The following MYO1E variants were observed in gnomAD, a reference collection of about 807,000 sequenced individuals.
The protein encoded by MYO1E is myosin IE, also known as unconventional myosin-Ie.
Under a neutral mutation model 151.1 loss-of-function variants are expected in MYO1E, and 68 were observed. The observed-to-expected ratio is 0.45, with a 90% CI of 0.37 to 0.55. The LOEUF is 0.55. Ranked by LOEUF, MYO1E falls within the 20% of genes least tolerant of loss-of-function variation. MYO1E has a pLI of 0.00. For synonymous variants in MYO1E, 601 were observed against 501.7 expected, an observed-to-expected ratio of 1.20 and a Z score of -2.64; for missense variants, 1,363 against 1,389.3, an observed-to-expected ratio of 0.98 and a Z score of 0.30.
At chr15:59,312,076 T>C (rs1400466357) in intron 1 of MYO1E, among the ~76,000 whole-genome samples, 2 of 152,204 alleles carry the variant, frequency 1.3e-5, no homozygotes, top group Non-Finnish European at 2.9e-5. Flanking sequence ...CACTCAGCAA[T>C]ATATTTTCTC....
chr15:59,335,076 C>G (rs1477038169), intron 1 of MYO1E, among the ~76,000 whole-genome samples: 1 of 152,194 alleles, frequency 6.6e-6, no homozygotes, highest in Non-Finnish European at 1.5e-5. Flanking sequence ...AGAGAACATT[C>G]ACACCACACT....
At chr15:59,344,224 C>G (rs369800104) in intron 1 of MYO1E, among the ~76,000 whole-genome samples, 1 of 152,228 alleles carries the variant, frequency 6.6e-6, no homozygotes, top group Non-Finnish European at 1.5e-5. Flanking sequence ...GCCGTATCTG[C>G]ATTATGGGGT....
chr15:59,164,671 C>T (rs1474249387), intron 22 of MYO1E, among the ~76,000 whole-genome samples: 1 of 152,208 alleles, frequency 6.6e-6, no homozygotes, highest in Non-Finnish European at 1.5e-5. Flanking sequence ...TGTTCAGCCC[C>T]ATTCACAGGT....
chr15:59,232,481 G>A (rs1472637316), intron 5 of MYO1E, among the ~76,000 whole-genome samples: 1 of 152,198 alleles, frequency 6.6e-6, no homozygotes, highest in Non-Finnish European at 1.5e-5. Context: ...GGCCTGGGGG[G>A]AAGGATTTGT....
intron 4 of MYO1E, among the ~76,000 whole-genome samples, chr15:59,249,115 A>ATTTATTTC (rs1452944755): frequency 6.6e-6 from 1 of 151,970 alleles, no homozygotes; most frequent in Non-Finnish European, 1.5e-5. Context: ...TCCTTCCTTG[A>ATTTATTTC]TTTATTTCTT....
chr15:59,245,753 C>T lies in MYO1E; in HGVS notation c.333-9081G>A, dbSNP rs142608089. ...ACTTTTGATGGCAGCAATAAAACTG[C>T]CACATAAATGTTCTCCAAGGCCCGA... On this transcript the variant is annotated intron_variant, in intron 4 of 27. Coordinates refer to ENST00000288235, the MANE Select transcript of MYO1E (RefSeq NM_004998.4). Among the ~76,000 whole-genome samples the T allele has an allele frequency of 3.7e-3, 568 of 152,328 alleles. 5 individuals carry two copies. The highest frequency in any genetic ancestry group is 0.013 in the African/African-American group (529 of 41,574).
chr15:59,160,383 G>A (rs2079531552), intron 24 of MYO1E, among the ~76,000 whole-genome samples: 1 of 142,398 alleles, frequency 7.0e-6, no homozygotes, highest in African/African-American at 2.6e-5. Flanking sequence ...GTGTGTGTAT[G>A]GTGTTTTATT....
intron 19 of MYO1E, among the ~76,000 whole-genome samples, chr15:59,178,063 A>G (rs1447131725): frequency 2.6e-5 from 4 of 152,238 alleles, no homozygotes; most frequent in Admixed American, 2.0e-4. Flanking sequence ...TGGGTATATA[A>G]ACACATATGG....
intron 1 of MYO1E, among the ~76,000 whole-genome samples, chr15:59,293,216 CCAGTT>C (rs1473605662): frequency 6.6e-6 from 1 of 152,160 alleles, no homozygotes; most frequent in African/African-American, 2.4e-5. Context: ...AAACCCCCTC[CCAGTT>C]AAGTTTATTG....
chr15:59,153,522 C>G (rs1314937362), intron 26 of MYO1E, 68 bp downstream of exon 26: 8 of 1,547,062 alleles, frequency 5.2e-6, no homozygotes, highest in Non-Finnish European at 7.1e-6. Context: ...ACAGGAATCT[C>G]TGAACCCTTG....
At chr15:59,352,474 C>T (rs1364170269) in intron 1 of MYO1E, among the ~76,000 whole-genome samples, 1 of 152,088 alleles carries the variant, frequency 6.6e-6, no homozygotes, top group African/African-American at 2.4e-5. Context: ...GCTATTAGTC[C>T]GTGGACCCAC....
In MYO1E at chr15:59,319,568, T is replaced by C. The variant is rs1248949680; in HGVS notation, c.4-47119A>G. Among the ~76,000 whole-genome samples the C allele has an allele frequency of 2.4e-5, 2 of 82,642 alleles. 1 individual carries two copies. The highest frequency in any genetic ancestry group is 4.2e-5 in the Non-Finnish European group (2 of 47,522). The allele number at this position is 82,642 out of a possible 152,430, so 54.2% of individuals were successfully genotyped here. A position where few individuals can be genotyped will look rare whatever the true frequency, so the allele number is the denominator to read the frequency against. ...AAACTACCTTTTTTTTTTTTTTTTT[T>C]TTTTTTTTTTTTTGGCTGATGTTAT... is the stretch of plus-strand genomic sequence containing the variant. On this transcript the variant is annotated intron_variant, in intron 1 of 27. Transcript: ENST00000288235.
intron 1 of MYO1E, chr15:59,341,205 T>G (rs1181449758): frequency 6.6e-6 from 1 of 152,180 alleles, no homozygotes; most frequent in Non-Finnish European, 1.5e-5. Flanking sequence ...TTATCCTTTG[T>G]GTTTCAAAAA....
At chr15:59,191,332 C>CAGAGACAGAGAGAGAGAGAG (rs1191337285) in intron 17 of MYO1E, among the ~76,000 whole-genome samples, 7 of 105,746 alleles carry the variant, frequency 6.6e-5, no homozygotes, top group African/African-American at 2.4e-4. Context: ...CAGACAGAGA[C>CAGAGACAGAGAGAGAGAGAG]AGAGAGAGAG....
intron 1 of MYO1E, among the ~76,000 whole-genome samples, chr15:59,355,386 A>G (rs1316333587): frequency 6.6e-6 from 1 of 152,082 alleles, no homozygotes; most frequent in Non-Finnish European, 1.5e-5. Flanking sequence ...ATATCTTTCC[A>G]GATACTACAG....
intron 1 of MYO1E, among the ~76,000 whole-genome samples, chr15:59,286,374 T>C (rs1443893782): frequency 6.6e-6 from 1 of 152,252 alleles, no homozygotes; most frequent in Non-Finnish European, 1.5e-5. Context: ...GGGGCATATC[T>C]GAATAAGAAC....
In MYO1E at chr15:59,353,543, G is replaced by A. The variant is rs11853436; in HGVS notation, c.3+18955C>T. ...AGGCTGAGGCGGGTGGATTACCTGA[G>A]GTCAGGAGTTCAAGACCATCTGGCT... On this transcript the variant is annotated intron_variant, in intron 1 of 27. Transcript: ENST00000288235. 7.2e-3 allele frequency among the ~76,000 whole-genome samples: 1,093 copies of A among 151,770 alleles called. 10 individuals are homozygous for A. Among genetic ancestry groups the A allele is most frequent in the Middle Eastern group, 0.031 (9 of 294 alleles).
chr15:59,295,023 T>G (rs1453023565), intron 1 of MYO1E, among the ~76,000 whole-genome samples: 1 of 152,064 alleles, frequency 6.6e-6, no homozygotes, highest in African/African-American at 2.4e-5. Flanking sequence ...TTATATCTCC[T>G]CTCCCTCCCT....
chr15:59,171,657 TC>T (rs1348109495), intron 22 of MYO1E, among the ~76,000 whole-genome samples: 1 of 152,222 alleles, frequency 6.6e-6, no homozygotes, highest in African/African-American at 2.4e-5. Flanking sequence ...GAGATCTGGG[TC>T]CCCCTTGATT....
Sources: allele counts gnomAD v4.1 joint callset (sites outside exome capture counted in the v4.1 genomes callset), GRCh38; gene constraint gnomAD v4.1.1; transcripts MANE v1.5; gene names NCBI Gene and HGNC (gene_info 2026-07-23, HGNC 2026-07-21).